KIAA1217: variants seen among roughly 807,000 people sequenced by gnomAD.
KIAA1217 encodes the protein sickle tail protein homolog.
Under a neutral mutation model 163.9 loss-of-function variants are expected in KIAA1217, and 88 were observed. That is an observed-to-expected ratio of 0.54 (90% confidence interval 0.45 to 0.64). KIAA1217 has a LOEUF of 0.64. KIAA1217 is among the 30% of genes least tolerant of loss of function. The pLI is 0.00. For synonymous variants in KIAA1217, 903 were observed against 923.1 expected, an observed-to-expected ratio of 0.98 and a Z score of 0.39; for missense variants, 2,372 against 2,475.0, an observed-to-expected ratio of 0.96 and a Z score of 0.88.
chr10:23,929,707 G>A (rs1256464465), intron 1 of KIAA1217, among the ~76,000 whole-genome samples: 1 of 152,182 alleles, frequency 6.6e-6, no homozygotes, highest in Non-Finnish European at 1.5e-5. Context: ...ATCCACAGTG[G>A]ATGGGCACCT....
At chr10:24,109,710 A>G (rs531274719) in intron 2 of KIAA1217, among the ~76,000 whole-genome samples, 2 of 152,252 alleles carry the variant, frequency 1.3e-5, no homozygotes, top group African/African-American at 2.4e-5. Context: ...ATGTAAAAAG[A>G]ACGAGGAATA....
chr10:23,861,475 A>T (rs1347828328), intron 1 of KIAA1217, among the ~76,000 whole-genome samples: 1 of 152,144 alleles, frequency 6.6e-6, no homozygotes, highest in Non-Finnish European at 1.5e-5. Flanking sequence ...GACTTTGCAG[A>T]TGTAATTAGG....
At chr10:24,482,071 CA>C (rs2064783968) in intron 6 of KIAA1217, 1 of 152,154 alleles carries the variant, frequency 6.6e-6, no homozygotes, top group African/African-American at 2.4e-5. Flanking sequence ...CTCCTGAGTT[CA>C]GGCATCAGAT....
At chr10:24,309,015 T>C (rs2042313400) in intron 2 of KIAA1217, among the ~76,000 whole-genome samples, 1 of 150,452 alleles carries the variant, frequency 6.6e-6, no homozygotes, top group African/African-American at 2.4e-5. Flanking sequence ...CCCAGCTACT[T>C]GGGAGGCTGA....
intron 1 of KIAA1217, among the ~76,000 whole-genome samples, chr10:23,744,023 T>C (rs1839266501): frequency 6.6e-6 from 1 of 152,112 alleles, no homozygotes. Context: ...GATAGTTTTC[T>C]AGTAGAAAAG....
rs71472812 is a variant in KIAA1217, at chr10:24,520,627, CAAAAAAAAAAAA to C, written c.2308+388_2308+399del. ...AATATAGAGAGACTCACATCTCTACCAAAAAAAAAAAAAAAAAAAAAAAAATATATATATATA... is the reference window on the plus strand; with the variant it reads ...AATATAGAGAGACTCACATCTCTACCAAAAAAAAAAAAATATATATATATA... On this transcript the variant is annotated intron_variant, in intron 11 of 20. Transcript: ENST00000376454. 6.7e-3 allele frequency among the ~76,000 whole-genome samples: 302 copies of C among 44,902 alleles called. 3 individuals are homozygous for C. Among genetic ancestry groups the C allele is most frequent in the African/African-American group, 0.026 (198 of 7,720 alleles). 29.5% of individuals were successfully genotyped at this position (44,902 alleles called of 152,430 possible). A position where few individuals can be genotyped will look rare whatever the true frequency, so the allele number is the denominator to read the frequency against.
intron 2 of KIAA1217, among the ~76,000 whole-genome samples, chr10:24,136,781 A>T (rs527869801): frequency 6.6e-6 from 1 of 152,354 alleles, no homozygotes; most frequent in Admixed American, 6.5e-5. Flanking sequence ...TTGACTGAGC[A>T]TTTAACTAGC....
At chr10:24,388,685 T>C (rs2054383563) in intron 3 of KIAA1217, among the ~76,000 whole-genome samples, 1 of 151,404 alleles carries the variant, frequency 6.6e-6, no homozygotes, top group African/African-American at 2.4e-5. Flanking sequence ...ATATCCAGAA[T>C]CTACAAAGAA....
At chr10:23,870,498 A>G (rs937978320) in intron 1 of KIAA1217, among the ~76,000 whole-genome samples, 1 of 152,066 alleles carries the variant, frequency 6.6e-6, no homozygotes, top group Non-Finnish European at 1.5e-5. Context: ...CAGGAAATTG[A>G]CAAGGCAACA....
chr10:24,534,058 G>T (rs1244475104), intron 16 of KIAA1217, among the ~76,000 whole-genome samples: 2 of 152,122 alleles, frequency 1.3e-5, no homozygotes, highest in East Asian at 1.9e-4. Flanking sequence ...CAGCACCTTG[G>T]GGCTCAAAAA....
rs1306540178 is a variant in KIAA1217, at chr10:24,547,156, C to T, written c.*832C>T. ...TTGTTTTCTGAGACCTGGTAACCCA[C>T]GCTCTTGCATTGTGGATTTTAAAAT... is the stretch of plus-strand genomic sequence containing the variant. On this transcript the variant is annotated 3_prime_UTR_variant, in exon 21 of 21. Transcript: ENST00000376454. 1.3e-5 allele frequency: 2 copies of T among 150,564 alleles called. No homozygotes were observed. Among genetic ancestry groups the T allele is most frequent in the Admixed American group, 6.7e-5 (1 of 14,938 alleles). 9.3% of individuals were successfully genotyped at this position (150,564 alleles called of 1,614,324 possible).
intron 1 of KIAA1217, among the ~76,000 whole-genome samples, chr10:23,743,380 C>T (rs1412606406): frequency 6.6e-6 from 1 of 152,062 alleles, no homozygotes; most frequent in African/African-American, 2.4e-5. Context: ...GTGATATGTA[C>T]TAAAATCAAC....
At chr10:23,934,932 A>G (rs544614285) in intron 1 of KIAA1217, among the ~76,000 whole-genome samples, 12 of 152,020 alleles carry the variant, frequency 7.9e-5, no homozygotes, top group Admixed American at 6.6e-4. Context: ...ATATTTTTTT[A>G]AAGTTCTGTA....
intron 2 of KIAA1217, among the ~76,000 whole-genome samples, chr10:24,191,880 A>C (rs201155851): frequency 6.6e-6 from 1 of 152,276 alleles, no homozygotes; most frequent in Middle Eastern, 3.4e-3. Flanking sequence ...CAGTCTCCCA[A>C]GTAGCTGGGA....
intron 1 of KIAA1217, among the ~76,000 whole-genome samples, chr10:23,968,113 G>C (rs1404619354): frequency 6.6e-6 from 1 of 151,414 alleles, no homozygotes; most frequent in East Asian, 1.9e-4. Context: ...CTCACAAAGT[G>C]ATAATCCCAA....
intron 5 of KIAA1217, among the ~76,000 whole-genome samples, chr10:24,452,890 TCTCATGTAACCCATAAATATATACACCTA>T (rs1277077977): frequency 6.6e-6 from 1 of 152,004 alleles, no homozygotes; most frequent in Non-Finnish European, 1.5e-5. Flanking sequence ...TATCAAAATA[TCTCATGTAACCCATAAATATATACACCTA>T]CTCTGTTGGC....
At chr10:23,735,739 C>T (rs1023661532) in intron 1 of KIAA1217, among the ~76,000 whole-genome samples, 3 of 151,984 alleles carry the variant, frequency 2.0e-5, no homozygotes, top group Non-Finnish European at 2.9e-5. Context: ...TTTGGCTTAT[C>T]TTTTCACTTT....
At chr10:23,974,109 T>C (rs1191608725) in intron 1 of KIAA1217, among the ~76,000 whole-genome samples, 1 of 152,192 alleles carries the variant, frequency 6.6e-6, no homozygotes, top group Non-Finnish European at 1.5e-5. Flanking sequence ...GAGGACTAGT[T>C]CTTAGCTGTA....
chr10:24,324,842 G>T (rs1048286473), intron 2 of KIAA1217, among the ~76,000 whole-genome samples: 1 of 152,084 alleles, frequency 6.6e-6, no homozygotes, highest in Non-Finnish European at 1.5e-5. Context: ...TGATTTCTTG[G>T]ATAGGAGCCC....
Sources: allele counts gnomAD v4.1 joint callset (sites outside exome capture counted in the v4.1 genomes callset), GRCh38; gene constraint gnomAD v4.1.1; transcripts MANE v1.5; gene names NCBI Gene and HGNC (gene_info 2026-07-23, HGNC 2026-07-21).